The following SPSB1 variants were observed in gnomAD, a reference collection of about 807,000 sequenced individuals.
SPSB1 encodes splA/ryanodine receptor domain and SOCS box containing 1.
Under a neutral mutation model 21.2 loss-of-function variants are expected in SPSB1, and 8 were observed. The ratio of observed to expected loss-of-function variants is 0.38; its 90% confidence interval spans 0.22 to 0.68. The LOEUF (loss-of-function observed/expected upper bound fraction) is 0.68. Ranked by LOEUF, SPSB1 falls within the 30% of genes least tolerant of loss-of-function variation. SPSB1 has a pLI of 0.53. For synonymous variants in SPSB1, 169 were observed against 161.7 expected (o/e 1.05, Z -0.34); for missense variants, 242 against 377.8 (o/e 0.64, Z 2.98).
Position 9,293,077 on chromosome 1 carries a change from C to T in SPSB1, c.-150+6C>T, listed in dbSNP as rs1233612402. 1.5e-5 allele frequency: 15 copies of T among 979,284 alleles called. No homozygotes were observed. The highest frequency in any genetic ancestry group is 3.5e-5 in the African/African-American group (2 of 56,468). The allele number at this position is 979,284 out of a possible 1,614,324, so 60.7% of individuals were successfully genotyped here. Reference sequence around the variant, plus strand: ...GCGGCGGCACCCCGGGCGCGGTAGGCGGCGCGGGGCACCTGGGACCCCGAT... The same window carrying T: ...GCGGCGGCACCCCGGGCGCGGTAGGTGGCGCGGGGCACCTGGGACCCCGAT... On this transcript the variant is annotated splice_donor_region_variant and intron_variant, in intron 1 of 2. Coordinates refer to ENST00000328089, the MANE Select transcript of SPSB1 (RefSeq NM_025106.4). The surrounding 1 kb of genome is among the most constrained non-coding windows in gnomAD (Gnocchi z 5.1).
At chr1:9,325,225 ACCCCC>A (rs33978312) in intron 1 of SPSB1, among the ~76,000 whole-genome samples, 2 of 133,716 alleles carry the variant, frequency 1.5e-5, no homozygotes, top group Admixed American at 7.3e-5. Flanking sequence ...TCCCACCACC[ACCCCC>A]CCCCCCCGCC....
At chr1:9,318,744 G>A (rs1217287734) in intron 1 of SPSB1, among the ~76,000 whole-genome samples, 1 of 152,206 alleles carries the variant, frequency 6.6e-6, no homozygotes, top group African/African-American at 2.4e-5. Context: ...ACTCAGATCA[G>A]GGCCTCTGTC....
intron 1 of SPSB1, among the ~76,000 whole-genome samples, chr1:9,353,052 C>T (rs527668737): frequency 1.3e-5 from 2 of 152,122 alleles, no homozygotes; most frequent in African/African-American, 2.4e-5. Context: ...GAGCTGACCT[C>T]TGTGCCCACA....
At position 9,356,559 on chromosome 1, in the gene SPSB1, G is replaced by A. The variant is rs752688288; in HGVS notation, c.668G>A (p.Arg223Gln). The A allele has an allele frequency of 1.9e-5, 30 of 1,600,380 alleles. No individual in the cohort carries two copies. The highest frequency in any genetic ancestry group is 4.5e-5 in the East Asian group (2 of 44,560). The change falls in exon 2 of 3, where the codon CGA becomes CAA. Residue 223 changes from arginine (R) to glutamine (Q), a missense_variant. By Grantham distance (43) the Arg-to-Gln change is conservative (BLOSUM62 1). Coordinates refer to ENST00000328089, the MANE Select transcript of SPSB1 (RefSeq NM_025106.4). The surrounding 1 kb of genome is among the most constrained non-coding windows in gnomAD (Gnocchi z 7.4). ...VSAVWGHCEIRMRYLNGLDPE... is the reference protein window; with the variant it reads ...VSAVWGHCEIQMRYLNGLDPE... Reference sequence around the variant, plus strand: ...GCCGTCTGGGGCCACTGTGAGATCCGAATGCGCTACTTGAACGGACTCGAT... The same window carrying A: ...GCCGTCTGGGGCCACTGTGAGATCCAAATGCGCTACTTGAACGGACTCGAT...
At chr1:9,343,583 A>G (rs942037965) in intron 1 of SPSB1, among the ~76,000 whole-genome samples, 6 of 152,254 alleles carry the variant, frequency 3.9e-5, no homozygotes, top group Non-Finnish European at 7.3e-5. Context: ...TTTAAAAGGC[A>G]GGGAATTCAT....
At chr1:9,323,910 G>A (rs984215565) in intron 1 of SPSB1, among the ~76,000 whole-genome samples, 2 of 152,170 alleles carry the variant, frequency 1.3e-5, no homozygotes, top group African/African-American at 4.8e-5. Context: ...TGCCCTCTCT[G>A]TGGCCCATGG....
At chr1:9,339,323 C>T (rs1323716215) in intron 1 of SPSB1, 29 of 984,072 alleles carry the variant, frequency 2.9e-5, no homozygotes, top group South Asian at 1.9e-4. Flanking sequence ...TGGGTGGTCT[C>T]GGGTGGGGCG....
At chr1:9,335,500 TCA>T (rs1639990125) in intron 1 of SPSB1, among the ~76,000 whole-genome samples, 1 of 98,142 alleles carries the variant, frequency 1.0e-5, no homozygotes, top group African/African-American at 3.5e-5. Context: ...AGTCTCTGTC[TCA>T]AAAAAAAAAA....
In SPSB1 at chr1:9,367,818, C is replaced by T; in HGVS notation, c.*243C>T. 1.8e-6 allele frequency: 1 copy of T among 561,554 alleles called. No homozygotes were observed. Among genetic ancestry groups the T allele is most frequent in the Non-Finnish European group, 3.1e-6 (1 of 321,974 alleles). 34.8% of individuals were successfully genotyped at this position (561,554 alleles called of 1,614,324 possible). On this transcript the variant is annotated 3_prime_UTR_variant, in exon 3 of 3. Coordinates refer to ENST00000328089, the MANE Select transcript of SPSB1 (RefSeq NM_025106.4). This position sits in a 1 kb window ranked among gnomAD's most constrained non-coding sequence, Gnocchi z 5.9. ...ATCCCTGCATGCCGTCCGTATACAA[C>T]CCCTCTTTGAAAAAAGACACAGAGA... is the stretch of plus-strand genomic sequence containing the variant.
chr1:9,342,616 G>T (rs1402959864), intron 1 of SPSB1, among the ~76,000 whole-genome samples: 1 of 152,154 alleles, frequency 6.6e-6, no homozygotes, highest in Non-Finnish European at 1.5e-5. Context: ...CCTGACATCG[G>T]TTCTCCCATG....
chr1:9,352,663 C>A (rs974405960), intron 1 of SPSB1, among the ~76,000 whole-genome samples: 1 of 151,972 alleles, frequency 6.6e-6, no homozygotes, highest in African/African-American at 2.4e-5. Context: ...TCTGCCTCCC[C>A]CTCCTTCCCC....
At chr1:9,329,619 G>GGAT (rs971926440) in intron 1 of SPSB1, among the ~76,000 whole-genome samples, 3 of 150,254 alleles carry the variant, frequency 2.0e-5, no homozygotes, top group Admixed American at 6.6e-5. Context: ...CCTTGAACCA[G>GGAT]GATGGGGAGG....
chr1:9,296,229 T>C (rs1457436550), intron 1 of SPSB1, among the ~76,000 whole-genome samples: 2 of 152,214 alleles, frequency 1.3e-5, no homozygotes, highest in Non-Finnish European at 2.9e-5. Context: ...ACGCATTGAC[T>C]CATGGGCTTC....
At position 9,339,203 on chromosome 1, in the gene SPSB1, G is replaced by A. The variant is rs535910720; in HGVS notation, c.-149-16540G>A. On this transcript the variant is annotated intron_variant, in intron 1 of 2. Transcript: ENST00000328089. ...TCCCCCCAGCGGTGAGGACCTGTGG[G>A]GCTTTTCTCCTGGGTCTTTTCCCAG... 30 of 985,398 alleles carry A rather than the reference G, an allele frequency of 3.0e-5. No individual in the cohort carries two copies. The Admixed American group carries it at 3.1e-4, about 10-fold the overall frequency. 61.0% of individuals were successfully genotyped at this position (985,398 alleles called of 1,614,324 possible).
chr1:9,362,195 T>TCCCG (rs1640493753), intron 2 of SPSB1, among the ~76,000 whole-genome samples: 1 of 128,216 alleles, frequency 7.8e-6, no homozygotes. Flanking sequence ...CCTCCCTCCC[T>TCCCG]TCCTTCCTTC....
chr1:9,361,163 T>TTTTTTTTTTTTTTTG (rs1557467310), intron 2 of SPSB1, among the ~76,000 whole-genome samples: 2 of 132,662 alleles, frequency 1.5e-5, no homozygotes, highest in Admixed American at 7.4e-5. Flanking sequence ...TTTCTTTTTT[T>TTTTTTTTTTTTTTTG]TTTTTTTTTT....
intron 1 of SPSB1, among the ~76,000 whole-genome samples, chr1:9,341,628 T>C (rs1020400205): frequency 2.6e-5 from 4 of 152,236 alleles, no homozygotes; most frequent in African/African-American, 9.6e-5. Context: ...CAGTTTCCTC[T>C]TGGGAGAGAT....
chr1:9,307,072 C>A (rs1027847244), intron 1 of SPSB1, among the ~76,000 whole-genome samples: 1 of 151,922 alleles, frequency 6.6e-6, no homozygotes, highest in Non-Finnish European at 1.5e-5. Context: ...GGATTACAGG[C>A]ACGTGCCACC....
intron 1 of SPSB1, among the ~76,000 whole-genome samples, chr1:9,322,910 TGTC>T (rs1639744448): frequency 6.6e-6 from 1 of 151,848 alleles, no homozygotes; most frequent in Non-Finnish European, 1.5e-5. Context: ...CTTTTTTTGT[TGTC>T]TGGCTGCGTC....
Sources: allele counts gnomAD v4.1 joint callset (sites outside exome capture counted in the v4.1 genomes callset), GRCh38; gene constraint gnomAD v4.1.1; non-coding constraint Gnocchi (gnomAD v3.1); transcripts MANE v1.5; gene names NCBI Gene and HGNC (gene_info 2026-07-23, HGNC 2026-07-21).